The following PRKCB variants were observed in gnomAD, a reference collection of about 807,000 sequenced individuals.
The protein encoded by PRKCB is protein kinase C beta.
PRKCB carries 13 observed loss-of-function variants against 81.5 expected under a neutral mutation model. The observed-to-expected ratio is 0.16, with a 90% CI of 0.10 to 0.25. The LOEUF is 0.25. Ranked by LOEUF, PRKCB falls within the 10% of genes least tolerant of loss-of-function variation. The probability of loss-of-function intolerance (pLI) is 1.00; values close to 1 mark genes in which losing one functional copy is unlikely to be tolerated. For missense variants in PRKCB, 509 were observed against 875.7 expected (o/e 0.58, Z 5.29); for synonymous variants, 335 against 321.4 (o/e 1.04, Z -0.45).
intron 2 of PRKCB, among the ~76,000 whole-genome samples, chr16:23,951,262 A>G (rs1411830049): frequency 6.6e-6 from 1 of 152,214 alleles, no homozygotes; most frequent in African/African-American, 2.4e-5. Context: ...GTGGTTGCCA[A>G]TACTGGGAGT....
At chr16:24,049,569 C>T (rs1965815493) in intron 5 of PRKCB, among the ~76,000 whole-genome samples, 1 of 151,814 alleles carries the variant, frequency 6.6e-6, no homozygotes, top group Admixed American at 6.6e-5. Context: ...GACATGCACG[C>T]TTAACCACTA....
chr16:24,171,832 C>T (rs1400117891), intron 10 of PRKCB, among the ~76,000 whole-genome samples: 3 of 152,214 alleles, frequency 2.0e-5, no homozygotes, highest in Admixed American at 2.0e-4. Context: ...CTCCCGGGTT[C>T]AAGTGAGTCT....
intron 2 of PRKCB, among the ~76,000 whole-genome samples, chr16:23,894,634 G>A (rs1009240210): frequency 6.6e-6 from 1 of 152,200 alleles, no homozygotes; most frequent in African/African-American, 2.4e-5. Flanking sequence ...TAGAACCGAA[G>A]AACCACCTGG....
intron 2 of PRKCB, among the ~76,000 whole-genome samples, chr16:23,971,072 G>C (rs1333757757): frequency 6.6e-6 from 1 of 152,222 alleles, no homozygotes; most frequent in Non-Finnish European, 1.5e-5. Flanking sequence ...ACATATACAT[G>C]AGATAATTCT....
intron 15 of PRKCB, among the ~76,000 whole-genome samples, chr16:24,187,608 G>A (rs1374403822): frequency 6.6e-6 from 1 of 152,170 alleles, no homozygotes; most frequent in East Asian, 1.9e-4. Context: ...GGAGATCAAG[G>A]GACCCTTTGC....
chr16:24,029,704 T>C (rs147550881), intron 3 of PRKCB, among the ~76,000 whole-genome samples: 354 of 152,308 alleles, frequency 2.3e-3, no homozygotes, highest in Non-Finnish European at 3.8e-3. Context: ...GTATGTCTGT[T>C]TATTTGCTTA....
chr16:24,006,061 C>T (rs1400183647), intron 3 of PRKCB, among the ~76,000 whole-genome samples: 1 of 152,174 alleles, frequency 6.6e-6, no homozygotes, highest in Non-Finnish European at 1.5e-5. Flanking sequence ...CTCCACCTCC[C>T]TTCCTCCCTT....
chr16:24,219,883 C>A lies in PRKCB; in HGVS notation c.*5067C>A, dbSNP rs1968295025. On this transcript the variant is annotated 3_prime_UTR_variant, in exon 17 of 17. Transcript: ENST00000643927. ...GACTCTGCTCATGAGATGGTATCAG[C>A]CACCCAATGACTGGCGTATCTTGGT... 3.3e-6 allele frequency: 5 copies of A among 1,532,746 alleles called. No homozygotes were observed. The South Asian group carries it at 5.0e-5, about 15-fold the overall frequency. The allele number at this position is 1,532,746 out of a possible 1,614,324, so 94.9% of individuals were successfully genotyped here.
chr16:23,988,142 A>C (rs1326039276), intron 2 of PRKCB, among the ~76,000 whole-genome samples: 3 of 152,204 alleles, frequency 2.0e-5, no homozygotes, highest in Non-Finnish European at 4.4e-5. Context: ...TGCATTATGC[A>C]CCTAAACACA....
At chr16:24,034,279 G>C (rs1182686083) in intron 4 of PRKCB, among the ~76,000 whole-genome samples, 1 of 152,158 alleles carries the variant, frequency 6.6e-6, no homozygotes, top group Non-Finnish European at 1.5e-5. Context: ...TTTTGTAATA[G>C]GCCTGCTGCC....
chr16:24,169,420 G>A (rs2141964118), intron 10 of PRKCB, among the ~76,000 whole-genome samples: 1 of 152,188 alleles, frequency 6.6e-6, no homozygotes, highest in Non-Finnish European at 1.5e-5. Flanking sequence ...CTTTGTGTTA[G>A]CCTACGTGAC....
intron 2 of PRKCB, among the ~76,000 whole-genome samples, chr16:23,896,143 T>C (rs1172974783): frequency 6.6e-6 from 1 of 152,114 alleles, no homozygotes; most frequent in Non-Finnish European, 1.5e-5. Context: ...CAATCCACTT[T>C]CCTGCCTTTG....
At chr16:23,972,876 A>C (rs1021970409) in intron 2 of PRKCB, among the ~76,000 whole-genome samples, 3 of 152,236 alleles carry the variant, frequency 2.0e-5, no homozygotes, top group African/African-American at 7.2e-5. Context: ...TGGAGTTAAC[A>C]GTCTGGGAGG....
chr16:24,170,077 C>T (rs971927272), intron 10 of PRKCB, among the ~76,000 whole-genome samples: 7 of 152,102 alleles, frequency 4.6e-5, no homozygotes, highest in South Asian at 2.1e-4. Flanking sequence ...CCGCTGTGCC[C>T]GGCTATCTTT....
At chr16:23,897,140 A>G (rs1963393254) in intron 2 of PRKCB, among the ~76,000 whole-genome samples, 1 of 152,208 alleles carries the variant, frequency 6.6e-6, no homozygotes, top group Non-Finnish European at 1.5e-5. Flanking sequence ...CATGGGATGG[A>G]GGGCCCATGA....
intron 9 of PRKCB, among the ~76,000 whole-genome samples, chr16:24,128,057 A>AAAAC (rs1287949029): frequency 1.3e-5 from 2 of 152,168 alleles, no homozygotes; most frequent in African/African-American, 2.4e-5. Context: ...CCAGGAAAAC[A>AAAAC]AAACAAAACA....
At chr16:23,998,934 G>A (rs1024138909) in intron 3 of PRKCB, among the ~76,000 whole-genome samples, 4 of 152,168 alleles carry the variant, frequency 2.6e-5, no homozygotes, top group Non-Finnish European at 5.9e-5. Context: ...TTGAGCATGA[G>A]GAGAGCAGGA....
At chr16:23,971,772 A>G (rs1401600944) in intron 2 of PRKCB, among the ~76,000 whole-genome samples, 1 of 152,188 alleles carries the variant, frequency 6.6e-6, no homozygotes, top group Non-Finnish European at 1.5e-5. Flanking sequence ...TTGAACATCT[A>G]GAATGCAAAA....
At chr16:24,072,690 T>A (rs1288678247) in intron 5 of PRKCB, among the ~76,000 whole-genome samples, 1 of 152,056 alleles carries the variant, frequency 6.6e-6, no homozygotes, top group Non-Finnish European at 1.5e-5. Context: ...CAAGCAATTC[T>A]CCTGCCTCAG....
Sources: allele counts gnomAD v4.1 joint callset (sites outside exome capture counted in the v4.1 genomes callset), GRCh38; gene constraint gnomAD v4.1.1; transcripts MANE v1.5; gene names NCBI Gene and HGNC (gene_info 2026-07-23, HGNC 2026-07-21).